The following CFAP299 variants were observed in gnomAD, a reference collection of about 807,000 sequenced individuals.
CFAP299 encodes the protein cilia- and flagella-associated protein 299.
CFAP299 carries 21 observed loss-of-function variants against 27.0 expected under a neutral mutation model. The observed-to-expected ratio is 0.78, with a 90% CI of 0.55 to 1.12. The LOEUF (loss-of-function observed/expected upper bound fraction) is 1.12. CFAP299 is among the 50% of genes most tolerant of loss of function. The pLI, the probability that CFAP299 is intolerant of heterozygous loss-of-function variation, is 0.00. For missense variants in CFAP299, 310 were observed against 276.6 expected (o/e 1.12, Z -0.86); for synonymous variants, 104 against 98.1 (o/e 1.06, Z -0.36).
intron 3 of CFAP299, among the ~76,000 whole-genome samples, chr4:80,859,153 C>A (rs191988066): frequency 2.4e-4 from 36 of 152,062 alleles, no homozygotes; most frequent in African/African-American, 5.1e-4. Flanking sequence ...TGATCCCTTT[C>A]CCATTATGTA....
intron 2 of CFAP299, among the ~76,000 whole-genome samples, chr4:80,564,534 A>C (rs1318807933): frequency 6.6e-6 from 1 of 152,040 alleles, no homozygotes; most frequent in Non-Finnish European, 1.5e-5. Context: ...ATAACTCAAC[A>C]TAATAAAAGC....
chr4:80,322,826 A>T, the CFAP299 span, among the ~76,000 whole-genome samples: 1 of 152,180 alleles, frequency 6.6e-6, no homozygotes, highest in Non-Finnish European at 1.5e-5. Flanking sequence ...ATGCCCTTCA[A>T]ATCACACCAC....
At chr4:80,535,420 G>A (rs1362328785) in intron 2 of CFAP299, among the ~76,000 whole-genome samples, 1 of 71,360 alleles carries the variant, frequency 1.4e-5, no homozygotes, top group Non-Finnish European at 2.4e-5. Context: ...GCGTGAACCC[G>A]GGAGGCGGAG....
intron 5 of CFAP299, among the ~76,000 whole-genome samples, chr4:80,962,562 A>C (rs1006975952): frequency 2.6e-5 from 4 of 152,020 alleles, no homozygotes; most frequent in South Asian, 2.1e-4. Context: ...AATAAAATAA[A>C]ATTTAAAAAA....
rs367637524 is a variant in CFAP299 at position 80,343,743 on chromosome 4, T to C, written c.111+7864T>C. ...AGTGGAGCTTGCAGTGAGCCGAGAT[T>C]GCGCCACTGCAGTCCGCAGTCCGGT... is the stretch of plus-strand genomic sequence containing the variant. On this transcript the variant is annotated intron_variant, in intron 1 of 5. Coordinates refer to ENST00000358105, the MANE Select transcript of CFAP299 (RefSeq NM_152770.3). Among the ~76,000 whole-genome samples, 210 of 143,260 alleles carry C rather than the reference T, an allele frequency of 1.5e-3. 1 individual carries two copies. The South Asian group carries it at 0.027, about 19-fold the overall frequency. The allele number at this position is 143,260 out of a possible 152,430, so 94.0% of individuals were successfully genotyped here.
In CFAP299 at chr4:80,356,108, G is replaced by GT. The variant is rs36082083; in HGVS notation, c.112-6635dup. On this transcript the variant is annotated intron_variant, in intron 1 of 5. Transcript: ENST00000358105. Reference sequence around the variant, plus strand: ...TTAAATAGGGAATCCTTTCCCCATTGTTTTTTTTTTTGTCAGATTTATCAA... The same window carrying GT: ...TTAAATAGGGAATCCTTTCCCCATTGTTTTTTTTTTTTGTCAGATTTATCAA... Among the ~76,000 whole-genome samples the GT allele has an allele frequency of 2.9e-3, 428 of 148,740 alleles. 2 individuals are homozygous for GT. The highest frequency in any genetic ancestry group is 0.012 in the East Asian group (62 of 5,074).
intron 3 of CFAP299, among the ~76,000 whole-genome samples, chr4:80,841,236 T>C (rs1313325990): frequency 6.6e-6 from 1 of 152,110 alleles, no homozygotes; most frequent in Non-Finnish European, 1.5e-5. Flanking sequence ...GAGGTAAGCA[T>C]CTTAATTGAA....
At chr4:80,621,078 A>G (rs969339394) in intron 3 of CFAP299, among the ~76,000 whole-genome samples, 2 of 152,010 alleles carry the variant, frequency 1.3e-5, no homozygotes, top group East Asian at 3.8e-4. Context: ...ATAGATTCCC[A>G]GTGGATATTT....
At chr4:80,618,675 C>G (rs545037542) in intron 3 of CFAP299, among the ~76,000 whole-genome samples, 1 of 152,088 alleles carries the variant, frequency 6.6e-6, no homozygotes, top group East Asian at 1.9e-4. Flanking sequence ...GATCTTGCAG[C>G]CTAATTAGCC....
At chr4:80,953,845 T>C (rs1221575990) in intron 5 of CFAP299, among the ~76,000 whole-genome samples, 1 of 152,160 alleles carries the variant, frequency 6.6e-6, no homozygotes, top group African/African-American at 2.4e-5. Flanking sequence ...GCTGAACATA[T>C]GCAATGAAAA....
At chr4:80,372,324 G>A (rs1320658327) in intron 2 of CFAP299, among the ~76,000 whole-genome samples, 1 of 152,194 alleles carries the variant, frequency 6.6e-6, no homozygotes, top group Non-Finnish European at 1.5e-5. Context: ...CAACACTGGG[G>A]ATTACAGTTT....
At chr4:80,796,897 G>A (rs1727896680) in intron 3 of CFAP299, among the ~76,000 whole-genome samples, 1 of 152,110 alleles carries the variant, frequency 6.6e-6, no homozygotes, top group African/African-American at 2.4e-5. Context: ...GAACCAATGT[G>A]GGCATTCTGT....
intron 3 of CFAP299, among the ~76,000 whole-genome samples, chr4:80,583,759 TATG>T (rs1736291498): frequency 6.6e-6 from 1 of 152,000 alleles, no homozygotes; most frequent in South Asian, 2.1e-4. Flanking sequence ...ACTTTGTTAA[TATG>T]ATATTTGTGA....
chr4:80,875,675 A>G (rs1733337977), intron 4 of CFAP299, among the ~76,000 whole-genome samples: 1 of 151,918 alleles, frequency 6.6e-6, no homozygotes, highest in South Asian at 2.1e-4. Flanking sequence ...AAAAAAAAAA[A>G]AAAAAAAGAT....
intron 2 of CFAP299, among the ~76,000 whole-genome samples, chr4:80,452,102 G>A (rs1728931598): frequency 6.6e-6 from 1 of 152,192 alleles, no homozygotes; most frequent in Admixed American, 6.5e-5. Context: ...CATTATCCTG[G>A]TAGTGAATGT....
chr4:80,890,566 G>A (rs1578215814), intron 4 of CFAP299, among the ~76,000 whole-genome samples: 1 of 150,540 alleles, frequency 6.6e-6, no homozygotes, highest in Admixed American at 6.6e-5. Context: ...AGTCCTTTGG[G>A]TATATACCCA....
chr4:80,843,971 T>C (rs2110141260), intron 3 of CFAP299, among the ~76,000 whole-genome samples: 1 of 152,212 alleles, frequency 6.6e-6, no homozygotes, highest in East Asian at 1.9e-4. Flanking sequence ...TTCTCATTGT[T>C]CAATTCCCAC....
chr4:80,846,001 T>C (rs1442143794), intron 3 of CFAP299, among the ~76,000 whole-genome samples: 1 of 152,194 alleles, frequency 6.6e-6, no homozygotes. Flanking sequence ...AGTTCACTTA[T>C]GTATTTTGTC....
chr4:80,720,434 T>G (rs1264976605), intron 3 of CFAP299, among the ~76,000 whole-genome samples: 4 of 152,118 alleles, frequency 2.6e-5, no homozygotes, highest in Non-Finnish European at 1.5e-5. Context: ...TAACAAACCT[T>G]AAAAGTAAGA....
Sources: gnomAD v4.1 joint callset for allele counts (sites outside exome capture counted in the v4.1 genomes callset) on GRCh38, gnomAD v4.1.1 for gene constraint, MANE v1.5 for transcripts, NCBI Gene and HGNC (gene_info 2026-07-23, HGNC 2026-07-21) for gene names.